PAK1: variants seen among roughly 807,000 people sequenced by gnomAD.
PAK1 encodes the protein serine/threonine-protein kinase PAK 1.
Under a neutral mutation model 67.4 loss-of-function variants are expected in PAK1, and 29 were observed. The observed-to-expected ratio is 0.43, with a 90% CI of 0.32 to 0.59. PAK1 has a LOEUF of 0.59. Ranked by LOEUF, PAK1 falls within the 20% of genes least tolerant of loss-of-function variation. The pLI, the probability that PAK1 is intolerant of heterozygous loss-of-function variation, is 0.07. For synonymous variants in PAK1, 223 were observed against 237.4 expected (o/e 0.94, Z 0.56); for missense variants, 337 against 670.7 (o/e 0.50, Z 5.50).
At chr11:77,365,251 CAAAAAAAAAAA>C (rs1364090865) in intron 5 of PAK1, among the ~76,000 whole-genome samples, 2 of 45,528 alleles carry the variant, frequency 4.4e-5, no homozygotes, top group African/African-American at 3.2e-4. Flanking sequence ...GACTCTGTCT[CAAAAAAAAAAA>C]AAAAAAGAAA....
chr11:77,376,004 G>A (rs138604924), intron 4 of PAK1, among the ~76,000 whole-genome samples: 2 of 152,170 alleles, frequency 1.3e-5, no homozygotes, highest in Admixed American at 6.5e-5. Flanking sequence ...ATAGCTAGCA[G>A]TATTCTGGAG....
chr11:77,369,245 A>G (rs1235043586), intron 5 of PAK1, among the ~76,000 whole-genome samples: 1 of 151,926 alleles, frequency 6.6e-6, no homozygotes, highest in Non-Finnish European at 1.5e-5. Flanking sequence ...CTGAAGACTC[A>G]TGCCTTTCTT....
At chr11:77,504,790 G>T in the PAK1 span, among the ~76,000 whole-genome samples, 1 of 152,196 alleles carries the variant, frequency 6.6e-6, no homozygotes, top group African/African-American at 2.4e-5. Flanking sequence ...GCATATACGT[G>T]CATTGAGCAC....
At chr11:77,405,706 CACACACA>C (rs1953439406) in intron 1 of PAK1, among the ~76,000 whole-genome samples, 1 of 151,542 alleles carries the variant, frequency 6.6e-6, no homozygotes, top group African/African-American at 2.4e-5. Flanking sequence ...CACACACACA[CACACACA>C]CCCTTCCCTT....
intron 2 of PAK1, among the ~76,000 whole-genome samples, chr11:77,388,288 T>C (rs144413977): frequency 1.3e-3 from 203 of 152,372 alleles, no homozygotes; most frequent in African/African-American, 4.4e-3. Flanking sequence ...TTTTCACCTA[T>C]ATAGACAAGC....
At chr11:77,485,594 G>A in the PAK1 span, among the ~76,000 whole-genome samples, 1 of 152,214 alleles carries the variant, frequency 6.6e-6, no homozygotes, top group Admixed American at 6.5e-5. Flanking sequence ...TCCTGCCTCA[G>A]CCTCCCGAGT....
chr11:77,398,741 TTTTG>T (rs1054031995), intron 1 of PAK1, among the ~76,000 whole-genome samples: 16 of 152,296 alleles, frequency 1.1e-4, no homozygotes, highest in East Asian at 5.8e-4. Context: ...ATCTTTAGTT[TTTTG>T]TTTGTTTGTT....
chr11:77,386,939 A>G (rs1288695456), intron 2 of PAK1, among the ~76,000 whole-genome samples: 1 of 151,788 alleles, frequency 6.6e-6, no homozygotes, highest in African/African-American at 2.4e-5. Context: ...ACGTCCAGCT[A>G]ATTTTTGTAT....
intron 5 of PAK1, among the ~76,000 whole-genome samples, chr11:77,360,623 T>C (rs1423970961): frequency 6.6e-6 from 1 of 152,160 alleles, no homozygotes; most frequent in Non-Finnish European, 1.5e-5. Flanking sequence ...TTTATAAAAC[T>C]GTAGAGAAGG....
At chr11:77,433,385 AG>A in intron 1 of PAK1, among the ~76,000 whole-genome samples, 1 of 152,366 alleles carries the variant, frequency 6.6e-6, no homozygotes, top group South Asian at 2.1e-4. Context: ...AATGTCATCA[AG>A]AAAGCAAAAA....
At chr11:77,395,522 C>T (rs1299871879) in intron 1 of PAK1, among the ~76,000 whole-genome samples, 1 of 152,182 alleles carries the variant, frequency 6.6e-6, no homozygotes, top group Non-Finnish European at 1.5e-5. Context: ...CACCTAGACA[C>T]AGCCTAATTC....
the PAK1 span, among the ~76,000 whole-genome samples, chr11:77,504,241 T>C: frequency 2.6e-5 from 4 of 151,138 alleles, no homozygotes; most frequent in African/African-American, 9.8e-5. Flanking sequence ...AGTTTGTTAA[T>C]ATAAATAGCA....
intron 13 of PAK1, among the ~76,000 whole-genome samples, chr11:77,334,658 A>G (rs187450293): frequency 6.6e-6 from 1 of 152,196 alleles, no homozygotes; most frequent in Admixed American, 6.5e-5. Context: ...CGACTTAAGG[A>G]TATCACTTCT....
intron 1 of PAK1, among the ~76,000 whole-genome samples, chr11:77,446,627 C>T (rs1370463688): frequency 6.6e-6 from 1 of 150,912 alleles, no homozygotes; most frequent in Admixed American, 6.6e-5. Flanking sequence ...CTCTCATGTA[C>T]TTTCATGGTA....
chr11:77,465,809 G>A lies in PAK1; in HGVS notation c.-22+7743C>T, dbSNP rs190090643. Among the ~76,000 whole-genome samples the A allele has an allele frequency of 3.9e-5, 6 of 152,182 alleles. No individual in the cohort carries two copies. In the East Asian group the frequency reaches 1.2e-3, roughly 29 times the overall value. On this transcript the variant is annotated intron_variant, in intron 1 of 14. Coordinates refer to ENST00000356341, the MANE Select transcript of PAK1 (RefSeq NM_002576.5). ...TACAAAAAATACAAAAATTAGCTGGGCTTAGTAGCATGCCCCTGTGGTCCC... is the reference window on the plus strand; with the variant it reads ...TACAAAAAATACAAAAATTAGCTGGACTTAGTAGCATGCCCCTGTGGTCCC...
At chr11:77,451,821 A>G in intron 1 of PAK1, among the ~76,000 whole-genome samples, 1 of 141,114 alleles carries the variant, frequency 7.1e-6, no homozygotes, top group Non-Finnish European at 1.5e-5. Flanking sequence ...GCTGTCTCGA[A>G]CTCCTGACCT....
chr11:77,360,393 T>G (rs1238908390), intron 5 of PAK1, among the ~76,000 whole-genome samples: 1 of 152,188 alleles, frequency 6.6e-6, no homozygotes, highest in African/African-American at 2.4e-5. Flanking sequence ...AAAGATGACC[T>G]TAAATCGCTT....
intron 1 of PAK1, among the ~76,000 whole-genome samples, chr11:77,437,030 G>A (rs1295895013): frequency 6.6e-6 from 1 of 152,074 alleles, no homozygotes; most frequent in Non-Finnish European, 1.5e-5. Context: ...ACTGTTCTGA[G>A]GATAAAATAG....
intron 1 of PAK1, among the ~76,000 whole-genome samples, chr11:77,405,475 T>C (rs948135827): frequency 1.7e-4 from 25 of 151,454 alleles, no homozygotes; most frequent in African/African-American, 4.9e-4. Context: ...TGATTGGCAA[T>C]AGGGGGAGAG....
Sources: gnomAD v4.1 joint callset for allele counts (sites outside exome capture counted in the v4.1 genomes callset) on GRCh38, gnomAD v4.1.1 for gene constraint, MANE v1.5 for transcripts, NCBI Gene and HGNC (gene_info 2026-07-23, HGNC 2026-07-21) for gene names.